Variants in IGSF21 observed in about 807,000 individuals in gnomAD.
IGSF21 encodes immunoglobin superfamily member 21.
Under a neutral mutation model 46.8 loss-of-function variants are expected in IGSF21, and 28 were observed. That is an observed-to-expected ratio of 0.60 (90% CI 0.44 to 0.82). The LOEUF (loss-of-function observed/expected upper bound fraction) is 0.82, where lower values mean the gene tolerates loss of function less well. Ranked by LOEUF, IGSF21 falls within the 40% of genes least tolerant of loss-of-function variation. The pLI, the probability that IGSF21 is intolerant of heterozygous loss-of-function variation, is 0.00. For missense variants in IGSF21, 624 were observed against 665.5 expected, an observed-to-expected ratio of 0.94 and a Z score of 0.69; for synonymous variants, 284 against 273.6, an observed-to-expected ratio of 1.04 and a Z score of -0.38.
chr1:18,221,488 CG>C (rs1324970167), intron 1 of IGSF21, among the ~76,000 whole-genome samples: 1 of 151,996 alleles, frequency 6.6e-6, no homozygotes, highest in Non-Finnish European at 1.5e-5. Context: ...TGGGAAAGGG[CG>C]GGGAGTGATG....
At chr1:18,216,203 G>A (rs573990567) in intron 1 of IGSF21, among the ~76,000 whole-genome samples, 1 of 150,046 alleles carries the variant, frequency 6.7e-6, no homozygotes, top group African/African-American at 2.4e-5. Context: ...ACTCAGAGGA[G>A]AAGGGTGTTC....
chr1:18,116,482 G>A (rs2086191196), intron 1 of IGSF21, among the ~76,000 whole-genome samples: 1 of 152,238 alleles, frequency 6.6e-6, no homozygotes, highest in African/African-American at 2.4e-5. Context: ...AATAACACAT[G>A]AGAGCTTTTG....
chr1:18,235,639 A>G (rs1316120582), intron 2 of IGSF21, among the ~76,000 whole-genome samples: 4 of 152,216 alleles, frequency 2.6e-5, no homozygotes, highest in Admixed American at 1.3e-4. Context: ...AACAAAACGA[A>G]TAGGGGGTGA....
At chr1:18,332,618 AGGGGAGACT>A (rs2085725334) in intron 3 of IGSF21, among the ~76,000 whole-genome samples, 1 of 152,010 alleles carries the variant, frequency 6.6e-6, no homozygotes, top group Admixed American at 6.6e-5. Context: ...TCATTCCCAG[AGGGGAGACT>A]GGTCCCCTGC....
intron 1 of IGSF21, among the ~76,000 whole-genome samples, chr1:18,168,371 C>G (rs1262812731): frequency 6.6e-6 from 1 of 152,150 alleles, no homozygotes; most frequent in East Asian, 1.9e-4. Context: ...ACTGAACACA[C>G]ACATTGTTGC....
intron 4 of IGSF21, among the ~76,000 whole-genome samples, chr1:18,357,427 C>T (rs61760825): frequency 2.8e-4 from 22 of 79,354 alleles, no homozygotes; most frequent in African/African-American, 9.0e-4. Context: ...GGGATGGGAA[C>T]GGAGATGAGG....
intron 1 of IGSF21, among the ~76,000 whole-genome samples, chr1:18,146,848 G>C (rs1287173562): frequency 6.6e-6 from 1 of 152,160 alleles, no homozygotes; most frequent in Non-Finnish European, 1.5e-5. Flanking sequence ...GATGAGGAAA[G>C]TAAGACTCAG....
chr1:18,367,143 A>T (rs1212776313), intron 6 of IGSF21, among the ~76,000 whole-genome samples: 1 of 152,160 alleles, frequency 6.6e-6, no homozygotes, highest in Non-Finnish European at 1.5e-5. Context: ...AACCCAGGCC[A>T]CTCATGACCA....
chr1:18,316,347 G>A (rs2085543011), intron 3 of IGSF21, among the ~76,000 whole-genome samples: 1 of 152,192 alleles, frequency 6.6e-6, no homozygotes, highest in Non-Finnish European at 1.5e-5. Flanking sequence ...CTCCCCTGCT[G>A]TTAAGGGAGC....
rs75033049 is a variant in IGSF21, at chr1:18,352,524, G to T, written c.425-9591G>T. ...GGGAACACACTTGGAGAACCACCAGGTTAAGGGACTAGTCTTGAAAATAGT... is the reference window on the plus strand; with the variant it reads ...GGGAACACACTTGGAGAACCACCAGTTTAAGGGACTAGTCTTGAAAATAGT... On this transcript the variant is annotated intron_variant, in intron 4 of 9. Transcript: ENST00000251296. Among the ~76,000 whole-genome samples, 418 of 152,298 alleles carry T rather than the reference G, an allele frequency of 2.7e-3. 5 individuals carry two copies. Among genetic ancestry groups the T allele is most frequent in the East Asian group, 6.8e-3 (35 of 5,160 alleles).
intron 2 of IGSF21, among the ~76,000 whole-genome samples, chr1:18,271,717 A>C (rs1557617218): frequency 6.6e-6 from 1 of 152,182 alleles, no homozygotes; most frequent in Admixed American, 6.5e-5. Context: ...GGCCAGACTC[A>C]GTCTTGGGCT....
At chr1:18,149,439 A>C (rs1343129146) in intron 1 of IGSF21, among the ~76,000 whole-genome samples, 1 of 152,164 alleles carries the variant, frequency 6.6e-6, no homozygotes, top group African/African-American at 2.4e-5. Flanking sequence ...TGTGCTAATC[A>C]TTAGTGTCAA....
intron 2 of IGSF21, among the ~76,000 whole-genome samples, chr1:18,270,940 T>A (rs2085036631): frequency 6.6e-6 from 1 of 152,260 alleles, no homozygotes; most frequent in South Asian, 2.1e-4. Context: ...CTGTAATATT[T>A]ACCTGACCGT....
At chr1:18,156,098 C>G (rs1347288648) in intron 1 of IGSF21, among the ~76,000 whole-genome samples, 1 of 152,210 alleles carries the variant, frequency 6.6e-6, no homozygotes, top group Non-Finnish European at 1.5e-5. Context: ...AGGCTGGCTT[C>G]TATCCTGCGG....
In IGSF21 at chr1:18,376,412, G is replaced by A. The variant is rs1271133920; in HGVS notation, c.1101+17G>A. On this transcript the variant is annotated intron_variant, in intron 7 of 9. Transcript: ENST00000251296. ...GGGTTTCAGGTCAGCCTCTCTCTGA[G>A]CATCTGGGAGGGTGGTGGGAGGTGG... 1 of 1,587,820 alleles carries A rather than the reference G, an allele frequency of 6.3e-7. No individual in the cohort carries two copies. The highest frequency in any genetic ancestry group is 8.6e-7 in the Non-Finnish European group (1 of 1,156,144).
chr1:18,206,172 G>C (rs1027681437), intron 1 of IGSF21, among the ~76,000 whole-genome samples: 1 of 152,148 alleles, frequency 6.6e-6, no homozygotes, highest in Non-Finnish European at 1.5e-5. Context: ...TTTGAGACTG[G>C]GTAGTCAAGG....
intron 3 of IGSF21, among the ~76,000 whole-genome samples, chr1:18,333,614 T>TTG (rs2085736617): frequency 6.6e-6 from 1 of 152,202 alleles, no homozygotes; most frequent in African/African-American, 2.4e-5. Context: ...GGTCCCATGA[T>TTG]TTACAAACAG....
chr1:18,321,310 C>G (rs886214970), intron 3 of IGSF21, among the ~76,000 whole-genome samples: 3 of 152,196 alleles, frequency 2.0e-5, no homozygotes, highest in African/African-American at 7.2e-5. Context: ...CTCACTCTGC[C>G]TGCCCTTTAT....
At chr1:18,367,061 C>T (rs1293945088) in intron 6 of IGSF21, among the ~76,000 whole-genome samples, 1 of 152,152 alleles carries the variant, frequency 6.6e-6, no homozygotes, top group African/African-American at 2.4e-5. Flanking sequence ...CCTCCCTGAG[C>T]CCGAGATGCC....
Sources: allele counts gnomAD v4.1 joint callset (sites outside exome capture counted in the v4.1 genomes callset), GRCh38; gene constraint gnomAD v4.1.1; transcripts MANE v1.5; gene names NCBI Gene and HGNC (gene_info 2026-07-23, HGNC 2026-07-21).